LCLAT1: variants seen among roughly 807,000 people sequenced by gnomAD.
LCLAT1 encodes lysocardiolipin acyltransferase 1.
LCLAT1 carries 11 observed loss-of-function variants against 30.7 expected under a neutral mutation model. That is an observed-to-expected ratio of 0.36 (90% CI 0.23 to 0.59). The LOEUF (loss-of-function observed/expected upper bound fraction) is 0.59. Ranked by LOEUF, LCLAT1 falls within the 20% of genes least tolerant of loss-of-function variation. The probability of loss-of-function intolerance (pLI) is 0.77; values close to 1 mark genes in which losing one functional copy is unlikely to be tolerated. For missense variants in LCLAT1, 402 were observed against 458.6 expected (o/e 0.88, Z 1.13); for synonymous variants, 155 against 151.3 (o/e 1.02, Z -0.18).
At chr2:30,483,178 C>T (rs1043356674) in intron 1 of LCLAT1, among the ~76,000 whole-genome samples, 1 of 152,014 alleles carries the variant, frequency 6.6e-6, no homozygotes, top group Non-Finnish European at 1.5e-5. Context: ...AAATTCTGTC[C>T]TATCATCACA....
chr2:30,503,424 T>C (rs555300606), intron 1 of LCLAT1, among the ~76,000 whole-genome samples: 1 of 152,346 alleles, frequency 6.6e-6, no homozygotes, highest in Non-Finnish European at 1.5e-5. Flanking sequence ...CTGGATCATA[T>C]TGTAACTCTA....
At chr2:30,566,363 C>T (rs4952150) in intron 4 of LCLAT1, among the ~76,000 whole-genome samples, 19,129 of 152,030 alleles carry the variant, frequency 0.13, 1,330 homozygotes, top group South Asian at 0.23. Context: ...AAGGTCCTGT[C>T]AGCTGTCTAT....
intron 5 of LCLAT1, among the ~76,000 whole-genome samples, chr2:30,626,616 A>G (rs1375981209): frequency 1.3e-5 from 2 of 151,982 alleles, no homozygotes; most frequent in East Asian, 3.9e-4. Context: ...TTCTGCATTT[A>G]TTTTTTAGTT....
At chr2:30,514,926 C>T (rs1192223191) in intron 1 of LCLAT1, among the ~76,000 whole-genome samples, 1 of 152,138 alleles carries the variant, frequency 6.6e-6, no homozygotes, top group African/African-American at 2.4e-5. Flanking sequence ...GACTCATATG[C>T]CTTAGATATT....
At chr2:30,604,732 G>A (rs911062792) in intron 5 of LCLAT1, among the ~76,000 whole-genome samples, 5 of 151,748 alleles carry the variant, frequency 3.3e-5, no homozygotes, top group African/African-American at 9.7e-5. Context: ...GGTGGAATGG[G>A]TCCATGGGCT....
chr2:30,524,491 T>C lies in LCLAT1; in HGVS notation c.-4-1096T>C, dbSNP rs150007116. Among the ~76,000 whole-genome samples, 63 of 152,362 alleles carry C rather than the reference T, an allele frequency of 4.1e-4. No individual in the cohort carries two copies. The East Asian group carries it at 0.011, about 28-fold the overall frequency. On this transcript the variant is annotated intron_variant, in intron 1 of 5. Coordinates refer to ENST00000379509, the MANE Select transcript of LCLAT1 (RefSeq NM_001002257.3). The stretch of plus-strand genomic sequence containing the variant: ...ATGGTTTGAGTTACCCACAGTCAAC[T>C]GTGGTTTGAATGTTATATGGAAAAT...
chr2:30,561,036 G>C (rs1432022854), intron 3 of LCLAT1, among the ~76,000 whole-genome samples: 1 of 152,052 alleles, frequency 6.6e-6, no homozygotes, highest in Non-Finnish European at 1.5e-5. Context: ...CTGCCCCCCG[G>C]GTTCAAGCGA....
chr2:30,612,944 A>G (rs1242278915), intron 5 of LCLAT1, among the ~76,000 whole-genome samples: 2 of 152,316 alleles, frequency 1.3e-5, no homozygotes, highest in Middle Eastern at 3.4e-3. Flanking sequence ...CGTAAAATTT[A>G]TAGTATGTCA....
chr2:30,552,365 T>A (rs759092299), intron 3 of LCLAT1: 1 of 303,194 alleles, frequency 3.3e-6, no homozygotes. Context: ...GTACAAGTGG[T>A]TTCTCCATTT....
intron 1 of LCLAT1, among the ~76,000 whole-genome samples, chr2:30,511,704 A>G (rs1240495479): frequency 1.3e-5 from 2 of 152,192 alleles, no homozygotes; most frequent in African/African-American, 4.8e-5. Flanking sequence ...CTGTTCTTAG[A>G]GTGGTGACCA....
chr2:30,470,170 G>T (rs974205881), intron 1 of LCLAT1, among the ~76,000 whole-genome samples: 1 of 152,194 alleles, frequency 6.6e-6, no homozygotes, highest in South Asian at 2.1e-4. Context: ...GGTGGCATCA[G>T]TTGGTCCACC....
intron 5 of LCLAT1, among the ~76,000 whole-genome samples, chr2:30,612,605 T>C (rs1667791510): frequency 6.6e-6 from 1 of 152,204 alleles, no homozygotes; most frequent in Non-Finnish European, 1.5e-5. Flanking sequence ...AGATTGCAAG[T>C]AGCAGAACTA....
At chr2:30,527,778 G>A (rs906027700) in intron 2 of LCLAT1, among the ~76,000 whole-genome samples, 4 of 152,082 alleles carry the variant, frequency 2.6e-5, no homozygotes, top group African/African-American at 9.7e-5. Flanking sequence ...TATAATGCTT[G>A]CCATTTGGTA....
At chr2:30,538,672 T>TA (rs1004512637) in intron 3 of LCLAT1, among the ~76,000 whole-genome samples, 13 of 151,394 alleles carry the variant, frequency 8.6e-5, no homozygotes, top group Non-Finnish European at 1.3e-4. Context: ...AGAACTGTAA[T>TA]AAAAAAATTA....
At chr2:30,635,294 C>G (rs1668971017) in intron 5 of LCLAT1, among the ~76,000 whole-genome samples, 1 of 151,290 alleles carries the variant, frequency 6.6e-6, no homozygotes. Context: ...ACTCTCCCTC[C>G]TTGTATAAAA....
chr2:30,633,040 G>A (rs1243455037), intron 5 of LCLAT1, among the ~76,000 whole-genome samples: 1 of 152,254 alleles, frequency 6.6e-6, no homozygotes, highest in Non-Finnish European at 1.5e-5. Flanking sequence ...AAATATATCT[G>A]AATCAATCCA....
At chr2:30,533,833 T>C (rs1181190389) in intron 3 of LCLAT1, among the ~76,000 whole-genome samples, 3 of 152,342 alleles carry the variant, frequency 2.0e-5, no homozygotes, top group African/African-American at 7.2e-5. Flanking sequence ...CCTGGAAATG[T>C]TTATTTTAAA....
intron 1 of LCLAT1, among the ~76,000 whole-genome samples, chr2:30,517,164 A>T (rs372156982): frequency 6.6e-6 from 1 of 152,164 alleles, no homozygotes; most frequent in South Asian, 2.1e-4. Context: ...CTCTGAATCT[A>T]CTTCCTCCAG....
intron 1 of LCLAT1, among the ~76,000 whole-genome samples, chr2:30,489,437 C>G (rs1224096643): frequency 6.6e-6 from 1 of 151,924 alleles, no homozygotes; most frequent in African/African-American, 2.4e-5. Flanking sequence ...ACTGCAAGCT[C>G]TGCCTCCTGG....
Sources: gnomAD v4.1 joint callset for allele counts (sites outside exome capture counted in the v4.1 genomes callset) on GRCh38, gnomAD v4.1.1 for gene constraint, MANE v1.5 for transcripts, NCBI Gene and HGNC (gene_info 2026-07-23, HGNC 2026-07-21) for gene names.